The following NALF1 variants were observed in gnomAD, a reference collection of about 807,000 sequenced individuals.
NALF1 encodes the protein NALCN channel auxiliary factor 1, also known as family with sequence similarity 155 member A.
NALF1 carries 3 observed loss-of-function variants against 48.4 expected under a neutral mutation model. That is an observed-to-expected ratio of 0.06 (90% CI 0.03 to 0.16). The LOEUF (loss-of-function observed/expected upper bound fraction) is 0.16, where lower values mean the gene tolerates loss of function less well. Among genes scored for constraint, NALF1 ranks in the 10% least tolerant of loss-of-function variants. NALF1 has a pLI of 1.00. For synonymous variants in NALF1, 262 were observed against 245.7 expected (o/e 1.07, Z -0.62); for missense variants, 526 against 571.5 (o/e 0.92, Z 0.81).
chr13:107,249,500 C>T (rs1314021238), intron 1 of NALF1, among the ~76,000 whole-genome samples: 1 of 151,808 alleles, frequency 6.6e-6, no homozygotes, highest in African/African-American at 2.4e-5. Context: ...CTTTATGAAG[C>T]CAAAAATATT....
At position 107,269,512 on chromosome 13, in the gene NALF1, G is replaced by C. The variant is rs377176349; in HGVS notation, c.916-58757C>G. 2.0e-5 allele frequency among the ~76,000 whole-genome samples: 3 copies of C among 152,314 alleles called. No individual in the cohort carries two copies. The South Asian group carries it at 6.2e-4, about 32-fold the overall frequency. Reference sequence around the variant, plus strand: ...TTTATAGTATTTTAAAATAGGTCCTGTATCAAGGTTTGAACTTATTTGTAT... The same window carrying C: ...TTTATAGTATTTTAAAATAGGTCCTCTATCAAGGTTTGAACTTATTTGTAT... On this transcript the variant is annotated intron_variant, in intron 1 of 2. Transcript: ENST00000375915.
chr13:107,582,303 T>C (rs757103657), intron 1 of NALF1, among the ~76,000 whole-genome samples: 4 of 152,174 alleles, frequency 2.6e-5, no homozygotes, highest in African/African-American at 4.8e-5. Flanking sequence ...ATAACACTAC[T>C]GTGTGAAGAA....
chr13:107,362,218 G>A lies in NALF1; in HGVS notation c.916-151463C>T, dbSNP rs1883074559. Among the ~76,000 whole-genome samples, 1 of 152,144 alleles carries A rather than the reference G, an allele frequency of 6.6e-6. No individual in the cohort carries two copies. The highest frequency in any genetic ancestry group is 2.4e-5 in the African/African-American group (1 of 41,424). ...CTGATGGTGGGGAAAAACGGGGTCAGGTGACAGCTTTATGATATTCATGTA... is the reference window on the plus strand; with the variant it reads ...CTGATGGTGGGGAAAAACGGGGTCAAGTGACAGCTTTATGATATTCATGTA... On this transcript the variant is annotated intron_variant, in intron 1 of 2. Transcript: ENST00000375915. This position sits in a 1 kb window ranked among gnomAD's most constrained non-coding sequence, Gnocchi z 4.6.
At position 107,639,615 on chromosome 13, in the gene NALF1, G is replaced by A. The variant is rs531427079; in HGVS notation, c.915+226067C>T. ...TAGCCCCATACCACTGTGTGTTTAG[G>A]AATGTATGCTCTCCTTCTCAGACCC... On this transcript the variant is annotated intron_variant, in intron 1 of 2. Coordinates refer to ENST00000375915, the MANE Select transcript of NALF1 (RefSeq NM_001080396.3). Among the ~76,000 whole-genome samples the A allele has an allele frequency of 3.7e-4, 33 of 88,154 alleles. No individual in the cohort carries two copies. In the South Asian group the frequency reaches 0.01, roughly 27 times the overall value. The allele number at this position is 88,154 out of a possible 152,430, so 57.8% of individuals were successfully genotyped here.
At chr13:107,481,738 A>G (rs537060006) in intron 1 of NALF1, among the ~76,000 whole-genome samples, 6 of 152,060 alleles carry the variant, frequency 3.9e-5, no homozygotes, top group Non-Finnish European at 7.4e-5. Flanking sequence ...GGGTGCATCT[A>G]ATTAACAGCA....
chr13:107,270,397 A>T (rs1216370863), intron 1 of NALF1, among the ~76,000 whole-genome samples: 1 of 152,092 alleles, frequency 6.6e-6, no homozygotes, highest in Non-Finnish European at 1.5e-5. Flanking sequence ...AAAATATTGC[A>T]TATATTTTGG....
intron 2 of NALF1, among the ~76,000 whole-genome samples, chr13:107,201,495 T>A (rs9520320): frequency 0.46 from 69,043 of 151,466 alleles, 16,447 homozygotes; most frequent in Non-Finnish European, 0.54. Context: ...GAGAATGGTG[T>A]GAACCCGCGA....
chr13:107,667,589 A>G (rs1880892161), intron 1 of NALF1, among the ~76,000 whole-genome samples: 1 of 152,152 alleles, frequency 6.6e-6, no homozygotes, highest in African/African-American at 2.4e-5. Context: ...CTGAAGGTAG[A>G]GAAGTAGTAT....
At chr13:107,434,602 A>C (rs2139020343) in intron 1 of NALF1, among the ~76,000 whole-genome samples, 1 of 152,360 alleles carries the variant, frequency 6.6e-6, no homozygotes. Context: ...ACTGGACCTA[A>C]GTCATGGGAA....
rs1877223306 is a variant in NALF1 at position 107,760,078 on chromosome 13, T to G, written c.915+105604A>C. On this transcript the variant is annotated intron_variant, in intron 1 of 2. Coordinates refer to ENST00000375915, the MANE Select transcript of NALF1 (RefSeq NM_001080396.3). ...GGATAAGGTAGGAATATAAAGTGAA[T>G]GCAATCAACATAAAATTCAAGCAAA... Among the ~76,000 whole-genome samples, 2 of 152,234 alleles carry G rather than the reference T, an allele frequency of 1.3e-5. 1 individual carries two copies. The highest frequency in any genetic ancestry group is 4.1e-4 in the South Asian group (2 of 4,836).
At chr13:107,373,706 T>C (rs1436092688) in intron 1 of NALF1, among the ~76,000 whole-genome samples, 1 of 152,222 alleles carries the variant, frequency 6.6e-6, no homozygotes, top group Non-Finnish European at 1.5e-5. Context: ...GGCAACACTA[T>C]CATCTCTTTC....
intron 1 of NALF1, among the ~76,000 whole-genome samples, chr13:107,324,891 T>C (rs554323254): frequency 1.3e-5 from 2 of 152,340 alleles, no homozygotes; most frequent in East Asian, 3.9e-4. Context: ...ATGTAGATCA[T>C]TTCTACACTA....
Position 107,783,293 on chromosome 13 carries a change from C to T in NALF1, c.915+82389G>A, listed in dbSNP as rs1465656967. Among the ~76,000 whole-genome samples, 2 of 96,880 alleles carry T rather than the reference C, an allele frequency of 2.1e-5. 1 individual carries two copies. Among genetic ancestry groups the T allele is most frequent in the African/African-American group, 8.6e-5 (2 of 23,344 alleles). The allele number at this position is 96,880 out of a possible 152,430, so 63.6% of individuals were successfully genotyped here. On this transcript the variant is annotated intron_variant, in intron 1 of 2. Coordinates refer to ENST00000375915, the MANE Select transcript of NALF1 (RefSeq NM_001080396.3). ...GCCCCGTCCGGGAGGTGAGGGGCGC[C>T]TCTGCCCGGCCACCCCTACTGGGAA...
At chr13:107,811,879 G>T (rs1255548070) in intron 1 of NALF1, among the ~76,000 whole-genome samples, 1 of 152,098 alleles carries the variant, frequency 6.6e-6, no homozygotes, top group Non-Finnish European at 1.5e-5. Flanking sequence ...AATACGATGG[G>T]AATTAAGTTT....
intron 1 of NALF1, among the ~76,000 whole-genome samples, chr13:107,825,464 G>C (rs944082131): frequency 2.2e-4 from 33 of 152,160 alleles, no homozygotes; most frequent in African/African-American, 8.0e-4. Flanking sequence ...AGAATCTTCT[G>C]TCCTTAATCT....
At chr13:107,365,102 C>G (rs911071492) in intron 1 of NALF1, among the ~76,000 whole-genome samples, 1 of 149,564 alleles carries the variant, frequency 6.7e-6, no homozygotes, top group African/African-American at 2.5e-5. Flanking sequence ...CCTCTACCTC[C>G]TTCTCCTCCT....
intron 1 of NALF1, among the ~76,000 whole-genome samples, chr13:107,243,854 C>G (rs1363081293): frequency 1.3e-5 from 2 of 152,098 alleles, no homozygotes; most frequent in Non-Finnish European, 2.9e-5. Flanking sequence ...AAGTGATATT[C>G]CCATTGGATT....
chr13:107,292,595 A>G lies in NALF1; in HGVS notation c.916-81840T>C, dbSNP rs560227272. On this transcript the variant is annotated intron_variant, in intron 1 of 2. Coordinates refer to ENST00000375915, the MANE Select transcript of NALF1 (RefSeq NM_001080396.3). ...ATCAACATCACTGTCTTCCACCTCC[A>G]CTTCTTGTTCCACTGGAAGATCTTC... Among the ~76,000 whole-genome samples the G allele has an allele frequency of 1.8e-3, 275 of 152,218 alleles. 2 individuals carry two copies. The highest frequency in any genetic ancestry group is 2.7e-3 in the Non-Finnish European group (181 of 68,002).
chr13:107,864,861 C>T (rs1386885104), intron 1 of NALF1, among the ~76,000 whole-genome samples: 1 of 152,166 alleles, frequency 6.6e-6, no homozygotes, highest in Non-Finnish European at 1.5e-5. Context: ...TTACACTGAA[C>T]AGGGAGAGCT....
Sources: allele counts gnomAD v4.1 joint callset (sites outside exome capture counted in the v4.1 genomes callset), GRCh38; gene constraint gnomAD v4.1.1; non-coding constraint Gnocchi (gnomAD v3.1); transcripts MANE v1.5; gene names NCBI Gene and HGNC (gene_info 2026-07-23, HGNC 2026-07-21).